The following ZNF503 variants were observed in gnomAD, a reference collection of about 807,000 sequenced individuals.
The protein encoded by ZNF503 is NocA-like zinc finger 2.
ZNF503 carries 15 observed loss-of-function variants against 34.4 expected under a neutral mutation model. The observed-to-expected ratio is 0.44, with a 90% confidence interval of 0.29 to 0.67. ZNF503 has a LOEUF of 0.67. Among genes scored for constraint, ZNF503 ranks in the 30% least tolerant of loss-of-function variants. The pLI, the probability that ZNF503 is intolerant of heterozygous loss-of-function variation, is 0.13. For missense variants in ZNF503, 1,007 were observed against 926.8 expected, an observed-to-expected ratio of 1.09 and a Z score of -1.12; for synonymous variants, 580 against 456.8, an observed-to-expected ratio of 1.27 and a Z score of -3.44.
chr10:75,338,950 G>A, the ZNF503 span, among the ~76,000 whole-genome samples: 5 of 152,242 alleles, frequency 3.3e-5, no homozygotes, highest in South Asian at 4.2e-4. Flanking sequence ...GTTGAAGGCC[G>A]GGCACGGTGG....
chr10:75,287,649 G>T, the ZNF503 span, among the ~76,000 whole-genome samples: 1 of 152,192 alleles, frequency 6.6e-6, no homozygotes, highest in African/African-American at 2.4e-5. Flanking sequence ...TGAGCCTTGA[G>T]CAGGGCAGGA....
the ZNF503 span, chr10:75,338,290 A>C: frequency 1.3e-5 from 2 of 152,020 alleles, no homozygotes; most frequent in Non-Finnish European, 2.9e-5. Context: ...TTCACCTTGC[A>C]TTTATGGAAC....
chr10:75,342,747 G>A, the ZNF503 span, among the ~76,000 whole-genome samples: 1 of 152,090 alleles, frequency 6.6e-6, no homozygotes, highest in South Asian at 2.1e-4. Flanking sequence ...TGTTCTGCTG[G>A]CACTGGGGGA....
At chr10:75,306,940 G>A in the ZNF503 span, among the ~76,000 whole-genome samples, 12 of 151,844 alleles carry the variant, frequency 7.9e-5, no homozygotes, top group Non-Finnish European at 1.6e-4. Flanking sequence ...CCCTTTCCTT[G>A]GACTTCCCTA....
chr10:75,322,462 G>A, the ZNF503 span, among the ~76,000 whole-genome samples: 1 of 151,952 alleles, frequency 6.6e-6, no homozygotes, highest in Admixed American at 6.6e-5. Context: ...TTAGTTTCAT[G>A]TTTATCGTTT....
In ZNF503 at chr10:75,399,059, G is replaced by A. The variant is rs916953322; in HGVS notation, c.1631C>T (p.Ala544Val). Reference protein sequence around the residue: ...ELLSHLRTHTAFPGTDKLLSG... With the variant: ...ELLSHLRTHTVFPGTDKLLSG... ...CAGCAGTTTGTCTGTCCCGGGAAATGCCGTATGGGTCCGCAAGTGGCTCAG... is the reference window on the plus strand; with the variant it reads ...CAGCAGTTTGTCTGTCCCGGGAAATACCGTATGGGTCCGCAAGTGGCTCAG... The change falls in exon 2 of 2, where the codon GCA (alanine) becomes GTA (valine). Residue 544 changes from alanine to valine, a missense_variant. Ala to Val is a moderately conservative substitution (Grantham distance 64). Transcript: ENST00000372524. The A allele has an allele frequency of 8.1e-6, 13 of 1,613,092 alleles. No homozygotes were observed. In the South Asian group the frequency reaches 9.9e-5, roughly 12 times the overall value.
the ZNF503 span, among the ~76,000 whole-genome samples, chr10:75,314,236 C>CA: frequency 9.2e-3 from 826 of 89,570 alleles, 15 homozygotes; most frequent in Admixed American, 0.014. Flanking sequence ...GACTCCGTCT[C>CA]AAAAAAAAAA....
the ZNF503 span, among the ~76,000 whole-genome samples, chr10:75,341,470 T>C: frequency 2.0e-5 from 3 of 152,334 alleles, no homozygotes; most frequent in East Asian, 5.8e-4. Context: ...CTCATGTGAA[T>C]AGAACAGACA....
the ZNF503 span, among the ~76,000 whole-genome samples, chr10:75,371,179 C>A: frequency 9.2e-5 from 14 of 152,304 alleles, no homozygotes; most frequent in Admixed American, 5.9e-4. Flanking sequence ...AGACAGCATC[C>A]AGGGAGCTCC....
At chr10:75,329,415 T>TTCCTTCCTTCCTTCCTTCCTTCC in the ZNF503 span, among the ~76,000 whole-genome samples, 138 of 90,382 alleles carry the variant, frequency 1.5e-3, no homozygotes, top group African/African-American at 5.5e-3. Context: ...CCTTCCTTCC[T>TTCCTTCCTTCCTTCCTTCCTTCC]TTCCTTCCTT....
chr10:75,386,864 T>C, the ZNF503 span, among the ~76,000 whole-genome samples: 3 of 152,190 alleles, frequency 2.0e-5, no homozygotes, highest in African/African-American at 7.2e-5. Context: ...CTTTCACATG[T>C]TTCTACTGGA....
the ZNF503 span, among the ~76,000 whole-genome samples, chr10:75,357,589 C>T: frequency 2.0e-5 from 3 of 152,270 alleles, no homozygotes; most frequent in African/African-American, 7.2e-5. Context: ...GCATTTTATG[C>T]AGCATTGTGA....
At chr10:75,281,939 T>C in the ZNF503 span, among the ~76,000 whole-genome samples, 1 of 152,218 alleles carries the variant, frequency 6.6e-6, no homozygotes, top group Non-Finnish European at 1.5e-5. Context: ...ATACCCAGAA[T>C]ATCAGAGTCA....
At chr10:75,355,247 C>A in the ZNF503 span, among the ~76,000 whole-genome samples, 1 of 152,200 alleles carries the variant, frequency 6.6e-6, no homozygotes, top group African/African-American at 2.4e-5. Flanking sequence ...AGGTTTTAAT[C>A]TTCCTTCCCC....
chr10:75,397,224 G>C (rs934144940), downstream of ZNF503, among the ~76,000 whole-genome samples: 1 of 152,130 alleles, frequency 6.6e-6, no homozygotes, highest in Non-Finnish European at 1.5e-5. Context: ...GGTGGGGGTG[G>C]GGGTGAGGGC....
the ZNF503 span, among the ~76,000 whole-genome samples, chr10:75,383,938 A>T: frequency 1.3e-5 from 2 of 152,218 alleles, no homozygotes; most frequent in African/African-American, 4.8e-5. Flanking sequence ...GCCCTGGCAG[A>T]CACTTGTCCT....
At chr10:75,284,302 T>A in the ZNF503 span, among the ~76,000 whole-genome samples, 1 of 151,172 alleles carries the variant, frequency 6.6e-6, no homozygotes, top group South Asian at 2.1e-4. Flanking sequence ...GAGCCATCTT[T>A]CATGCCATAA....
At chr10:75,322,429 A>G in the ZNF503 span, among the ~76,000 whole-genome samples, 2 of 152,066 alleles carry the variant, frequency 1.3e-5, no homozygotes, top group Non-Finnish European at 2.9e-5. Context: ...GCCCACTGCC[A>G]ATTTTTTATG....
chr10:75,343,852 C>A, the ZNF503 span, among the ~76,000 whole-genome samples: 1 of 152,184 alleles, frequency 6.6e-6, no homozygotes, highest in African/African-American at 2.4e-5. Context: ...GCATGCCCAC[C>A]CCTGTTACAT....
Sources: gnomAD v4.1 joint callset for allele counts (sites outside exome capture counted in the v4.1 genomes callset) on GRCh38, gnomAD v4.1.1 for gene constraint, MANE v1.5 for transcripts, NCBI Gene and HGNC (gene_info 2026-07-23, HGNC 2026-07-21) for gene names.